MYH15: variants seen among roughly 807,000 people sequenced by gnomAD.
The protein encoded by MYH15 is myosin heavy chain 15.
Under a neutral mutation model 240.5 loss-of-function variants are expected in MYH15, and 227 were observed. The ratio of observed to expected loss-of-function variants is 0.94; its 90% confidence interval spans 0.85 to 1.05. The LOEUF is 1.05. Among genes scored for constraint, MYH15 ranks in the 50% least tolerant of loss-of-function variants. The pLI is 0.00. For missense variants in MYH15, 2,217 were observed against 2,247.5 expected (o/e 0.99, Z 0.27); for synonymous variants, 785 against 796.7 (o/e 0.99, Z 0.25).
At chr3:108,474,020 C>T (rs796203372) in intron 12 of MYH15, among the ~76,000 whole-genome samples, 1 of 152,212 alleles carries the variant, frequency 6.6e-6, no homozygotes, top group South Asian at 2.1e-4. Flanking sequence ...GTTGTTCAAC[C>T]ACTTCACTGT....
At position 108,381,569 on chromosome 3, in the gene MYH15, A is replaced by G; in HGVS notation, c.5767-10T>C. On this transcript the variant is annotated splice_polypyrimidine_tract_variant and intron_variant, in intron 40 of 40. Coordinates refer to ENST00000693548, the MANE Select transcript of MYH15 (RefSeq NM_014981.3). ...GCTATTCTTCTTGAACCTGAAAAAC[A>G]GAATGTCAGTGTGTTCTGTGAATTT... 1 of 1,613,706 alleles carries G rather than the reference A, an allele frequency of 6.2e-7. No individual in the cohort carries two copies. The highest frequency in any genetic ancestry group is 8.5e-7 in the Non-Finnish European group (1 of 1,179,602).
intron 28 of MYH15, among the ~76,000 whole-genome samples, chr3:108,419,571 A>G (rs1202264495): frequency 3.3e-5 from 5 of 152,218 alleles, no homozygotes; most frequent in Non-Finnish European, 4.4e-5. Flanking sequence ...TGGAGTCTAC[A>G]TACCAACTAA....
At chr3:108,499,296 C>A (rs2083418691) in intron 5 of MYH15, among the ~76,000 whole-genome samples, 159 bp downstream of exon 5, 2 of 152,194 alleles carry the variant, frequency 1.3e-5, no homozygotes, top group South Asian at 4.1e-4. Flanking sequence ...AGCACTATGA[C>A]AATTTCCTGA....
intron 6 of MYH15, among the ~76,000 whole-genome samples, chr3:108,496,113 T>C (rs912853944): frequency 2.6e-5 from 4 of 152,228 alleles, no homozygotes; most frequent in Non-Finnish European, 5.9e-5. Context: ...GCAATGCTTC[T>C]TTTTTGGTTG....
chr3:108,493,316 A>G, intron 7 of MYH15, 139 bp from the exon 8 acceptor site: 1 of 632,140 alleles, frequency 1.6e-6, no homozygotes, highest in African/African-American at 1.9e-5. Flanking sequence ...AAAAAAAAAA[A>G]GAAAGAAAGA....
chr3:108,545,057 T>A, the MYH15 span, among the ~76,000 whole-genome samples: 1 of 152,106 alleles, frequency 6.6e-6, no homozygotes, highest in African/African-American at 2.4e-5. Context: ...CACAATGAAT[T>A]TTGTAGGTAC....
intron 33 of MYH15, among the ~76,000 whole-genome samples, chr3:108,401,874 T>C (rs2082508455): frequency 6.6e-6 from 1 of 152,086 alleles, no homozygotes; most frequent in South Asian, 2.1e-4. Context: ...AAATGAAAAC[T>C]CCCTCAAGTA....
At chr3:108,440,907 G>T in intron 23 of MYH15, 111 bp downstream of exon 23, 1 of 1,284,930 alleles carries the variant, frequency 7.8e-7, no homozygotes, top group Non-Finnish European at 1.1e-6. Flanking sequence ...CTGTAAAGTT[G>T]CAGGCCACTG....
At chr3:108,483,337 T>C (rs1400507396) in intron 11 of MYH15, among the ~76,000 whole-genome samples, 1 of 151,678 alleles carries the variant, frequency 6.6e-6, no homozygotes, top group Non-Finnish European at 1.5e-5. Context: ...AAAAAGATGT[T>C]CAACATCACC....
intron 13 of MYH15, 122 bp from the exon 14 acceptor site, chr3:108,470,334 T>A: frequency 3.1e-6 from 2 of 636,768 alleles, no homozygotes; most frequent in Non-Finnish European, 5.1e-6. Context: ...ACCCAACAAG[T>A]AACAAATGCT....
At chr3:108,385,223 AATGAAGTGC>A (rs1399434284) in intron 38 of MYH15, among the ~76,000 whole-genome samples, 2 of 152,264 alleles carry the variant, frequency 1.3e-5, no homozygotes, top group Admixed American at 6.5e-5. Flanking sequence ...ATTTAGCAGG[AATGAAGTGC>A]ATTATTATAA....
intron 35 of MYH15, 84 bp from the exon 36 acceptor site, chr3:108,394,240 G>A (rs2082442546): frequency 6.4e-7 from 1 of 1,567,402 alleles, no homozygotes; most frequent in South Asian, 1.1e-5. Flanking sequence ...TGCAATGGGA[G>A]TCAGCTCTGG....
chr3:108,398,627 T>C lies in MYH15; in HGVS notation c.5133+10A>G, dbSNP rs528651913. On this transcript the variant is annotated intron_variant, in intron 35 of 40. Coordinates refer to ENST00000693548, the MANE Select transcript of MYH15 (RefSeq NM_014981.3). ...TGGCCCAGCTAATAGGGAGAGTATA[T>C]GGGCCCCACCTGGGTATAGAAAAGA... The C allele has an allele frequency of 6.2e-6, 10 of 1,612,428 alleles. No homozygotes were observed. The Admixed American group carries it at 1.7e-4, about 27-fold the overall frequency.
rs1049896423 is a variant in MYH15, at chr3:108,439,989, C to T, written c.2899-76G>A. Reference sequence around the variant, plus strand: ...CATAACACTGAGGGTCATTTCTCTTCTGTCGTCCAAAACTACGCATGAGGT... The same window carrying T: ...CATAACACTGAGGGTCATTTCTCTTTTGTCGTCCAAAACTACGCATGAGGT... On this transcript the variant is annotated intron_variant, in intron 23 of 40. Coordinates refer to ENST00000693548, the MANE Select transcript of MYH15 (RefSeq NM_014981.3). The T allele has an allele frequency of 3.0e-6, 4 of 1,333,452 alleles. No individual in the cohort carries two copies. In the East Asian group the frequency reaches 9.8e-5, roughly 33 times the overall value. The allele number at this position is 1,333,452 out of a possible 1,614,324, so 82.6% of individuals were successfully genotyped here. A position where few individuals can be genotyped will look rare whatever the true frequency, so the allele number is the denominator to read the frequency against.
At chr3:108,505,577 G>A (rs1011228756) in intron 2 of MYH15, 146 bp downstream of exon 2, 6 of 415,612 alleles carry the variant, frequency 1.4e-5, no homozygotes, top group East Asian at 4.0e-5. Flanking sequence ...CTGACTTAAG[G>A]AGGAGCTTCT....
chr3:108,534,474 A>G, the MYH15 span, among the ~76,000 whole-genome samples: 1 of 152,092 alleles, frequency 6.6e-6, no homozygotes, highest in Non-Finnish European at 1.5e-5. Context: ...AAACTGGTTT[A>G]ATTTTGTCTC....
intron 26 of MYH15, among the ~76,000 whole-genome samples, chr3:108,429,446 C>G (rs191323734): frequency 6.6e-6 from 1 of 151,908 alleles, no homozygotes; most frequent in East Asian, 1.9e-4. Flanking sequence ...AAATAACAAA[C>G]GAGAGCTGGT....
At chr3:108,475,712 C>T (rs947772408) in intron 12 of MYH15, among the ~76,000 whole-genome samples, 2 of 152,190 alleles carry the variant, frequency 1.3e-5, no homozygotes, top group Non-Finnish European at 2.9e-5. Flanking sequence ...GTGTGCATTA[C>T]TGCAGCCCAG....
chr3:108,439,309 T>C (rs1247261619), intron 24 of MYH15, among the ~76,000 whole-genome samples: 1 of 152,216 alleles, frequency 6.6e-6, no homozygotes, highest in East Asian at 1.9e-4. Flanking sequence ...CACATATCTT[T>C]CAACCATAAA....
Sources: allele counts gnomAD v4.1 joint callset (sites outside exome capture counted in the v4.1 genomes callset), GRCh38; gene constraint gnomAD v4.1.1; transcripts MANE v1.5; gene names NCBI Gene and HGNC (gene_info 2026-07-23, HGNC 2026-07-21).